The following STX19 variants were observed in gnomAD, a reference collection of about 807,000 sequenced individuals.
STX19 encodes syntaxin 19.
STX19 carries 26 observed loss-of-function variants against 24.3 expected under a neutral mutation model. The ratio of observed to expected loss-of-function variants is 1.07; its 90% CI spans 0.78 to 1.48. STX19 has a LOEUF of 1.48. Ranked by LOEUF, STX19 falls within the 40% of genes most tolerant of loss-of-function variation. STX19 has a pLI of 0.00. For missense variants in STX19, 367 were observed against 331.9 expected (o/e 1.11, Z -0.82); for synonymous variants, 116 against 106.9 (o/e 1.09, Z -0.52).
chr3:94,020,778 T>C (rs1490657040), intron 1 of STX19, among the ~76,000 whole-genome samples: 1 of 152,222 alleles, frequency 6.6e-6, no homozygotes, highest in Non-Finnish European at 1.5e-5. Context: ...TAAAGCATTC[T>C]ACTATTTATT....
At chr3:94,018,777 G>GT (rs1478193266) in intron 1 of STX19, among the ~76,000 whole-genome samples, 4 of 151,822 alleles carry the variant, frequency 2.6e-5, no homozygotes, top group African/African-American at 9.7e-5. Flanking sequence ...TTTTTTGTTT[G>GT]TTTTTTGAGA....
chr3:94,023,535 C>A (rs952208395), intron 1 of STX19, among the ~76,000 whole-genome samples: 1 of 151,412 alleles, frequency 6.6e-6, no homozygotes, highest in African/African-American at 2.4e-5. Flanking sequence ...TCTCCATTTT[C>A]TTTGTATTAT....
chr3:94,015,224 C>T lies in STX19; in HGVS notation c.46G>A (p.Glu16Lys), dbSNP rs202204043. ...GATACATGACTGTCTCTAGAGAGTT[C>T]AATTTCCTTTGTTCTCTGCTTTAGT... ...QELKQRTKEIELSRDSHVSTT... is the reference protein window; with the variant it reads ...QELKQRTKEIKLSRDSHVSTT... Residue 16 changes from glutamate (E) to lysine (K), a missense_variant, in exon 2 of 2, where the codon GAA becomes AAA. By Grantham distance (56) the Glu-to-Lys change is moderately conservative (BLOSUM62 1). Transcript: ENST00000315099. 1 of 1,589,486 alleles carries T rather than the reference C, an allele frequency of 6.3e-7. No homozygotes were observed.
rs1340460300 is a variant in STX19, at chr3:94,014,389, T to C, written c.881A>G (p.Lys294Arg). 2.0e-6 allele frequency: 3 copies of C among 1,520,040 alleles called. No homozygotes were observed. Among genetic ancestry groups the C allele is most frequent in the Non-Finnish European group, 2.6e-6 (3 of 1,141,652 alleles). 94.2% of individuals were successfully genotyped at this position (1,520,040 alleles called of 1,614,324 possible). Residue 294 changes from lysine to arginine, a missense_variant, in exon 2 of 2, where the codon AAA (lysine) becomes AGA (arginine). Transcript: ENST00000315099. The part of the protein sequence containing the change: ...CCWCCPCCSS[K>R] Reference sequence around the variant, plus strand: ...AAAAGTTTTAAAATAGCTTCTTTATTTTGAGCTACAGCATGGACAGCACCA... The same window carrying C: ...AAAAGTTTTAAAATAGCTTCTTTATCTTGAGCTACAGCATGGACAGCACCA...
At chr3:94,018,752 G>A (rs2076385640) in intron 1 of STX19, among the ~76,000 whole-genome samples, 2 of 152,048 alleles carry the variant, frequency 1.3e-5, no homozygotes, top group Admixed American at 1.3e-4. Flanking sequence ...GCTCAGACCA[G>A]AGACTCAGAA....
intron 1 of STX19, among the ~76,000 whole-genome samples, chr3:94,024,908 A>G (rs1449413451): frequency 6.6e-6 from 1 of 152,186 alleles, no homozygotes; most frequent in African/African-American, 2.4e-5. Context: ...AAAAATTAGA[A>G]ATAAAGTAAT....
chr3:94,021,117 A>G (rs571895145), intron 1 of STX19, among the ~76,000 whole-genome samples: 1 of 151,760 alleles, frequency 6.6e-6, no homozygotes, highest in South Asian at 2.1e-4. Context: ...ATTAGACGAT[A>G]CTATAGAAAG....
rs1446190434 is a variant in STX19 at position 94,015,091 on chromosome 3, CT to C, written c.178del (p.Ser60ValfsTer23). ...AACATTATCTGCCAAATTGTTAATA[CT>C]TTCCTGTAGTTTTTGGATTTCATGT... The part of the protein sequence containing the change: ...HLHEIQKLQE[S>X]INNLADNVQK... On this transcript the variant is annotated frameshift_variant, in exon 2 of 2. Coordinates refer to ENST00000315099, the MANE Select transcript of STX19 (RefSeq NM_001001850.3). LOFTEE classifies it high-confidence loss of function. 1 of 1,613,806 alleles carries C rather than the reference CT, an allele frequency of 6.2e-7. No individual in the cohort carries two copies. Among genetic ancestry groups the C allele is most frequent in the Non-Finnish European group, 8.5e-7 (1 of 1,179,886 alleles).
In STX19 at chr3:94,014,409, G is replaced by A. The variant is rs551783797; in HGVS notation, c.861C>T (p.Cys287=). The change falls in exon 2 of 2, where the codon TGC becomes TGT. Residue 287 remains cysteine, a synonymous_variant. Coordinates refer to ENST00000315099, the MANE Select transcript of STX19 (RefSeq NM_001001850.3). ...TTTATTTTGAGCTACAGCATGGACA[G>A]CACCAACAACACAGTACTCTGCAAG... ...RNPCRVLCCW[C]CPCCSSK is the part of the protein sequence containing the mutation. 1.9e-6 allele frequency: 3 copies of A among 1,555,202 alleles called. No homozygotes were observed. The highest frequency in any genetic ancestry group is 1.4e-5 in the African/African-American group (1 of 72,466).
chr3:94,023,361 C>T (rs971404214), intron 1 of STX19, among the ~76,000 whole-genome samples: 3 of 151,868 alleles, frequency 2.0e-5, no homozygotes, highest in Non-Finnish European at 4.4e-5. Flanking sequence ...AAATTCTTGA[C>T]CTTTTTTTCA....
chr3:94,024,631 G>GC (rs1367520906), intron 1 of STX19, among the ~76,000 whole-genome samples: 2 of 152,124 alleles, frequency 1.3e-5, no homozygotes, highest in Non-Finnish European at 2.9e-5. Context: ...TATCACCCAG[G>GC]CTAGAGTATA....
chr3:94,018,855 G>A (rs577122658), intron 1 of STX19, among the ~76,000 whole-genome samples: 12 of 151,772 alleles, frequency 7.9e-5, no homozygotes, highest in African/African-American at 2.4e-4. Flanking sequence ...AACCTCCGCC[G>A]TCCGGGTTCA....
chr3:94,025,123 A>G (rs1485727929), intron 1 of STX19, among the ~76,000 whole-genome samples: 1 of 151,930 alleles, frequency 6.6e-6, no homozygotes, highest in African/African-American at 2.4e-5. Context: ...TTTTTCCTGG[A>G]TTTTTATCCA....
intron 1 of STX19, among the ~76,000 whole-genome samples, chr3:94,024,555 C>A (rs959007386): frequency 3.3e-5 from 5 of 152,098 alleles, no homozygotes; most frequent in Admixed American, 6.6e-5. Flanking sequence ...GTTTTTATGA[C>A]TGGAAAGATC....
chr3:94,028,247 A>T (rs1474697666), intron 1 of STX19, 120 bp downstream of exon 1: 1 of 152,178 alleles, frequency 6.6e-6, no homozygotes, highest in African/African-American at 2.4e-5. Context: ...CCCGGTCCAA[A>T]TCTGAGCAAA....
chr3:94,026,108 CT>C (rs1391367388), intron 1 of STX19, among the ~76,000 whole-genome samples: 5 of 151,894 alleles, frequency 3.3e-5, no homozygotes, highest in African/African-American at 9.7e-5. Context: ...CAAGCTCCGC[CT>C]TCCGGGTTCA....
chr3:94,020,957 A>G (rs566097503), intron 1 of STX19, among the ~76,000 whole-genome samples: 21 of 152,112 alleles, frequency 1.4e-4, no homozygotes, highest in Middle Eastern at 3.4e-3. Context: ...TTTATTGTCT[A>G]TATTCTACTT....
At chr3:94,023,793 A>G (rs1559993042) in intron 1 of STX19, among the ~76,000 whole-genome samples, 1 of 152,142 alleles carries the variant, frequency 6.6e-6, no homozygotes, top group Admixed American at 6.6e-5. Context: ...ATACTGTATT[A>G]TGTTACTAAT....
Position 94,020,833 on chromosome 3 carries a change from T to C in STX19, c.-13-5551A>G, listed in dbSNP as rs1377137882. On this transcript the variant is annotated intron_variant, in intron 1 of 1. Transcript: ENST00000315099. ...AATTCAAATAGCCGGTAATCTTTTG[T>C]TTTTGCCACTGATTTGCTATAGTAA... Among the ~76,000 whole-genome samples, 6 of 152,276 alleles carry C rather than the reference T, an allele frequency of 3.9e-5. No homozygotes were observed. The South Asian group carries it at 1.0e-3, about 26-fold the overall frequency.
Sources: gnomAD v4.1 joint callset for allele counts (sites outside exome capture counted in the v4.1 genomes callset) on GRCh38, gnomAD v4.1.1 for gene constraint, MANE v1.5 for transcripts, NCBI Gene and HGNC (gene_info 2026-07-23, HGNC 2026-07-21) for gene names.